The following FAM117B variants were observed in gnomAD, a reference collection of about 807,000 sequenced individuals.
FAM117B encodes family with sequence similarity 117 member B.
A neutral mutation model predicts 52.8 loss-of-function variants in FAM117B; 22 were observed. The ratio of observed to expected loss-of-function variants is 0.42; its 90% CI spans 0.30 to 0.59. The LOEUF (loss-of-function observed/expected upper bound fraction) is 0.59. Ranked by LOEUF, FAM117B falls within the 20% of genes least tolerant of loss-of-function variation. The pLI is 0.22. For synonymous variants in FAM117B, 309 were observed against 324.1 expected, an observed-to-expected ratio of 0.95 and a Z score of 0.50; for missense variants, 678 against 802.6, an observed-to-expected ratio of 0.84 and a Z score of 1.88.
At chr2:202,712,528 G>C (rs1690975601) in intron 2 of FAM117B, among the ~76,000 whole-genome samples, 1 of 149,398 alleles carries the variant, frequency 6.7e-6, no homozygotes, top group Non-Finnish European at 1.5e-5. Flanking sequence ...TTACAGTTTG[G>C]GTGCCTATTA....
At chr2:202,676,593 T>G (rs1464735886) in intron 1 of FAM117B, among the ~76,000 whole-genome samples, 1 of 152,092 alleles carries the variant, frequency 6.6e-6, no homozygotes, top group Non-Finnish European at 1.5e-5. Context: ...TTGGTCAGGC[T>G]GGTCTTGAAC....
At chr2:202,646,377 C>CT (rs1345450768) in intron 1 of FAM117B, among the ~76,000 whole-genome samples, 1 of 152,228 alleles carries the variant, frequency 6.6e-6, no homozygotes, top group Non-Finnish European at 1.5e-5. Context: ...TTAGATCAGG[C>CT]TGCTTGTCTG....
chr2:202,725,867 C>G (rs1691235253), intron 3 of FAM117B, among the ~76,000 whole-genome samples: 1 of 152,140 alleles, frequency 6.6e-6, no homozygotes, highest in African/African-American at 2.4e-5. Context: ...TTTTTAAATA[C>G]TGTGTAATTT....
chr2:202,659,113 C>G (rs1203533658), intron 1 of FAM117B, among the ~76,000 whole-genome samples: 2 of 152,038 alleles, frequency 1.3e-5, no homozygotes, highest in Non-Finnish European at 2.9e-5. Flanking sequence ...TCAAGCGATT[C>G]TCCTACCTCA....
chr2:202,660,339 G>A (rs981670783), intron 1 of FAM117B, among the ~76,000 whole-genome samples: 4 of 151,976 alleles, frequency 2.6e-5, no homozygotes, highest in African/African-American at 9.7e-5. Flanking sequence ...AGACTGGTTG[G>A]ATTCATACTC....
At chr2:202,760,657 A>G (rs1406343873) in intron 7 of FAM117B, among the ~76,000 whole-genome samples, 1 of 152,022 alleles carries the variant, frequency 6.6e-6, no homozygotes, top group Non-Finnish European at 1.5e-5. Context: ...GTTGTCACAG[A>G]TGTGGAAGTC....
chr2:202,699,580 C>T lies in FAM117B; in HGVS notation c.753+3548C>T, dbSNP rs370469297. Among the ~76,000 whole-genome samples the T allele has an allele frequency of 3.2e-4, 49 of 151,154 alleles. No homozygotes were observed. The East Asian group carries it at 6.8e-3, about 21-fold the overall frequency. Reference sequence around the variant, plus strand: ...TTTCAGTTACATGGTGGGCTCTCATCTTTGGCAAGTGAATTTAGCAGTAAC... The same window carrying T: ...TTTCAGTTACATGGTGGGCTCTCATTTTTGGCAAGTGAATTTAGCAGTAAC... On this transcript the variant is annotated intron_variant, in intron 2 of 7. Transcript: ENST00000392238.
chr2:202,710,397 C>T (rs1358780842), intron 2 of FAM117B, among the ~76,000 whole-genome samples: 5 of 151,596 alleles, frequency 3.3e-5, no homozygotes, highest in African/African-American at 4.8e-5. Flanking sequence ...GATTGCTTTC[C>T]TAATTTTCTT....
intron 1 of FAM117B, among the ~76,000 whole-genome samples, chr2:202,690,646 A>G (rs901495536): frequency 4.6e-5 from 7 of 152,212 alleles, no homozygotes; most frequent in Non-Finnish European, 8.8e-5. Context: ...ACAAACACCT[A>G]GAGGCATGTA....
intron 2 of FAM117B, among the ~76,000 whole-genome samples, chr2:202,715,846 G>A (rs953748820): frequency 9.9e-5 from 15 of 152,112 alleles, no homozygotes; most frequent in Middle Eastern, 3.4e-3. Context: ...TCGGGAGGCC[G>A]AGGCTGGCGG....
At chr2:202,677,476 C>T (rs372669849) in intron 1 of FAM117B, among the ~76,000 whole-genome samples, 31 of 152,156 alleles carry the variant, frequency 2.0e-4, no homozygotes, top group African/African-American at 7.2e-4. Flanking sequence ...TATGGACATA[C>T]CACTCTTACA....
intron 4 of FAM117B, among the ~76,000 whole-genome samples, chr2:202,750,118 G>T (rs1032302241): frequency 1.3e-5 from 2 of 152,186 alleles, no homozygotes; most frequent in African/African-American, 4.8e-5. Flanking sequence ...CTCCCTTCTT[G>T]CTGTGTGCTT....
chr2:202,766,415 T>G lies in FAM117B; in HGVS notation c.*651T>G, dbSNP rs1691981562. The G allele has an allele frequency of 6.6e-6, 1 of 152,598 alleles. No homozygotes were observed. Among genetic ancestry groups the G allele is most frequent in the Non-Finnish European group, 1.5e-5 (1 of 68,038 alleles). The allele number at this position is 152,598 out of a possible 1,614,324, so 9.5% of individuals were successfully genotyped here. A position where few individuals can be genotyped will look rare whatever the true frequency, so the allele number is the denominator to read the frequency against. On this transcript the variant is annotated 3_prime_UTR_variant, in exon 8 of 8. Coordinates refer to ENST00000392238, the MANE Select transcript of FAM117B (RefSeq NM_173511.4). ...GGTAAATGCATTGAACAAGTATATA[T>G]AAAAAGAGATTAAAAAGCAATATTC...
rs548434786 is a variant in FAM117B at position 202,715,964 on chromosome 2, C to T, written c.754-8953C>T. On this transcript the variant is annotated intron_variant, in intron 2 of 7. Coordinates refer to ENST00000392238, the MANE Select transcript of FAM117B (RefSeq NM_173511.4). ...AGGCGTGGTGGCGCGTGCCTGCAAT[C>T]GCAGGCACTCGGCAGGCTGAGGCAG... is the stretch of plus-strand genomic sequence containing the variant. Among the ~76,000 whole-genome samples the T allele has an allele frequency of 1.0e-4, 15 of 149,286 alleles. 1 individual carries two copies. Among genetic ancestry groups the T allele is most frequent in the South Asian group, 4.6e-4 (2 of 4,318 alleles).
At chr2:202,656,828 G>A (rs1690063513) in intron 1 of FAM117B, among the ~76,000 whole-genome samples, 2 of 151,958 alleles carry the variant, frequency 1.3e-5, no homozygotes, top group Non-Finnish European at 2.9e-5. Context: ...TCTTCTTTCA[G>A]TTGTTGCTTC....
intron 1 of FAM117B, among the ~76,000 whole-genome samples, chr2:202,684,982 CAA>C (rs201502470): frequency 6.6e-6 from 1 of 151,068 alleles, no homozygotes; most frequent in African/African-American, 2.5e-5. Context: ...ATGATTATCT[CAA>C]AAAAAATTTT....
At chr2:202,683,626 A>G (rs1690495399) in intron 1 of FAM117B, among the ~76,000 whole-genome samples, 1 of 152,214 alleles carries the variant, frequency 6.6e-6, no homozygotes, top group Non-Finnish European at 1.5e-5. Flanking sequence ...AAGAAATAGA[A>G]AACTTGAATA....
intron 4 of FAM117B, among the ~76,000 whole-genome samples, chr2:202,741,982 G>A (rs1392684045): frequency 6.6e-6 from 1 of 152,164 alleles, no homozygotes; most frequent in African/African-American, 2.4e-5. Flanking sequence ...ACTTAAGAAT[G>A]AAATTAATAA....
At chr2:202,752,726 T>A (rs1691745102) in intron 4 of FAM117B, among the ~76,000 whole-genome samples, 2 of 152,252 alleles carry the variant, frequency 1.3e-5, no homozygotes, top group South Asian at 4.1e-4. Flanking sequence ...CTGATGTTAC[T>A]AGCTTTGGCG....
Sources: gnomAD v4.1 joint callset for allele counts (sites outside exome capture counted in the v4.1 genomes callset) on GRCh38, gnomAD v4.1.1 for gene constraint, MANE v1.5 for transcripts, NCBI Gene and HGNC (gene_info 2026-07-23, HGNC 2026-07-21) for gene names.